KCNIP1: variants seen among roughly 807,000 people sequenced by gnomAD.
KCNIP1 encodes potassium voltage-gated channel interacting protein 1, also known as A-type potassium channel modulatory protein KCNIP1.
KCNIP1 carries 18 observed loss-of-function variants against 33.0 expected under a neutral mutation model. The observed-to-expected ratio is 0.55, with a 90% confidence interval of 0.38 to 0.81. The LOEUF is 0.81. KCNIP1 is among the 30% of genes least tolerant of loss of function. The pLI is 0.00. For missense variants in KCNIP1, 238 were observed against 271.6 expected (o/e 0.88, Z 0.87); for synonymous variants, 93 against 98.3 (o/e 0.95, Z 0.32).
chr5:170,564,778 GAACA>G (rs1384330571), intron 1 of KCNIP1, among the ~76,000 whole-genome samples: 7 of 152,050 alleles, frequency 4.6e-5, no homozygotes, highest in African/African-American at 1.4e-4. Context: ...CACTCTTGCA[GAACA>G]AACAGACAAA....
chr5:170,500,853 A>G (rs1216562375), upstream of KCNIP1, among the ~76,000 whole-genome samples: 1 of 152,234 alleles, frequency 6.6e-6, no homozygotes, highest in Non-Finnish European at 1.5e-5. Context: ...ATGAATGAAT[A>G]TTTGTTGAAT....
In KCNIP1 at chr5:170,605,963, C is replaced by T. The variant is rs191942365; in HGVS notation, c.61+101330C>T. Reference sequence around the variant, plus strand: ...CTAAGTTTTGTATTTTTAGTAGCGACGGGGTTTTGCCATGTTGGCCAGGCT... The same window carrying T: ...CTAAGTTTTGTATTTTTAGTAGCGATGGGGTTTTGCCATGTTGGCCAGGCT... On this transcript the variant is annotated intron_variant, in intron 1 of 7. Coordinates refer to ENST00000328939, the MANE Select transcript of KCNIP1 (RefSeq NM_014592.4). Among the ~76,000 whole-genome samples the T allele has an allele frequency of 3.9e-5, 6 of 152,086 alleles. No homozygotes were observed. In the East Asian group the frequency reaches 7.7e-4, roughly 20 times the overall value.
At chr5:170,735,390 G>A (rs561027699) in intron 7 of KCNIP1, among the ~76,000 whole-genome samples, 1 of 152,280 alleles carries the variant, frequency 6.6e-6, no homozygotes, top group South Asian at 2.1e-4. Flanking sequence ...ATCTAAAGCA[G>A]TATTCCAGGA....
At chr5:170,576,060 G>T (rs79939068) in intron 1 of KCNIP1, among the ~76,000 whole-genome samples, 2,590 of 152,306 alleles carry the variant, frequency 0.017, 80 homozygotes, top group African/African-American at 0.059. Context: ...TCAGGCATTG[G>T]ATGAGACAGC....
chr5:170,445,371 A>G (rs1756088601), intron 1 of KCNIP1, among the ~76,000 whole-genome samples: 2 of 152,214 alleles, frequency 1.3e-5, no homozygotes, highest in South Asian at 4.1e-4. Flanking sequence ...CCAACTGGAA[A>G]AGCAGAGGGC....
At chr5:170,590,321 C>G (rs1758199648) in intron 1 of KCNIP1, among the ~76,000 whole-genome samples, 1 of 152,144 alleles carries the variant, frequency 6.6e-6, no homozygotes, top group Non-Finnish European at 1.5e-5. Context: ...CCCAACACAG[C>G]TCCTCTGAGG....
At chr5:170,724,249 G>A (rs1163363197) in intron 5 of KCNIP1, among the ~76,000 whole-genome samples, 1 of 152,100 alleles carries the variant, frequency 6.6e-6, no homozygotes, top group Non-Finnish European at 1.5e-5. Context: ...AATAGAGGAG[G>A]ATGGAACATT....
intron 1 of KCNIP1, among the ~76,000 whole-genome samples, chr5:170,600,804 C>T (rs1006515559): frequency 6.6e-6 from 1 of 152,204 alleles, no homozygotes; most frequent in Non-Finnish European, 1.5e-5. Context: ...CTGTGCGACC[C>T]TGGGCAAGCT....
At chr5:170,560,560 C>T (rs1354828543) in intron 1 of KCNIP1, among the ~76,000 whole-genome samples, 6 of 152,016 alleles carry the variant, frequency 3.9e-5, no homozygotes, top group East Asian at 1.9e-4. Context: ...GTTGTGCCCC[C>T]GGGGATCAGG....
chr5:170,538,727 C>G (rs1756087427), intron 1 of KCNIP1, among the ~76,000 whole-genome samples: 1 of 151,634 alleles, frequency 6.6e-6, no homozygotes, highest in East Asian at 2.0e-4. Context: ...ACAGGATGCT[C>G]AATGCTCCAG....
At chr5:170,372,500 T>C (rs7724416) in intron 1 of KCNIP1, among the ~76,000 whole-genome samples, 74,010 of 151,918 alleles carry the variant, frequency 0.49, 18,137 homozygotes, top group Admixed American at 0.54. Flanking sequence ...AGGTTCTAAC[T>C]CTCTAATCAT....
intron 1 of KCNIP1, among the ~76,000 whole-genome samples, chr5:170,682,639 C>T (rs1762387951): frequency 6.6e-6 from 1 of 152,156 alleles, no homozygotes; most frequent in South Asian, 2.1e-4. Flanking sequence ...GATCCAAACT[C>T]AACCTGCCAG....
At chr5:170,557,690 T>C (rs929767302) in intron 1 of KCNIP1, among the ~76,000 whole-genome samples, 1 of 152,108 alleles carries the variant, frequency 6.6e-6, no homozygotes, top group South Asian at 2.1e-4. Flanking sequence ...AAGCAGTTTG[T>C]ACAAAGGCCC....
intron 1 of KCNIP1, among the ~76,000 whole-genome samples, chr5:170,677,594 G>A (rs6897199): frequency 0.082 from 12,448 of 152,090 alleles, 522 homozygotes; most frequent in Middle Eastern, 0.14. Context: ...TTTCCAAGAC[G>A]CCTGGGGGAC....
chr5:170,721,985 G>T (rs568716533), intron 4 of KCNIP1, 82 bp downstream of exon 4: 10 of 1,490,502 alleles, frequency 6.7e-6, no homozygotes, highest in East Asian at 4.5e-5. Context: ...TTGGGGGAAG[G>T]TCTGGACCAT....
At chr5:170,533,353 G>A (rs917173051) in intron 1 of KCNIP1, among the ~76,000 whole-genome samples, 28 of 152,282 alleles carry the variant, frequency 1.8e-4, no homozygotes, top group Non-Finnish European at 3.5e-4. Context: ...TCTGATTCGC[G>A]GCATTGTTGT....
At chr5:170,580,773 A>G (rs898317493) in intron 1 of KCNIP1, among the ~76,000 whole-genome samples, 2 of 152,216 alleles carry the variant, frequency 1.3e-5, no homozygotes, top group African/African-American at 2.4e-5. Flanking sequence ...AAGATTTATC[A>G]AGAGCCAGAA....
chr5:170,571,292 G>A (rs2113487149), intron 1 of KCNIP1, among the ~76,000 whole-genome samples: 1 of 152,288 alleles, frequency 6.6e-6, no homozygotes, highest in South Asian at 2.1e-4. Flanking sequence ...GACCATCACA[G>A]CCCAGCTGTC....
chr5:170,367,033 G>A (rs1379155030), intron 1 of KCNIP1, among the ~76,000 whole-genome samples: 2 of 152,074 alleles, frequency 1.3e-5, no homozygotes, highest in Non-Finnish European at 2.9e-5. Flanking sequence ...ATTTAAGAAC[G>A]TGCAGTCTGG....
Sources: allele counts gnomAD v4.1 joint callset (sites outside exome capture counted in the v4.1 genomes callset), GRCh38; gene constraint gnomAD v4.1.1; transcripts MANE v1.5; gene names NCBI Gene and HGNC (gene_info 2026-07-23, HGNC 2026-07-21).